The following ACSM4 variants were observed in gnomAD, a reference collection of about 807,000 sequenced individuals.
ACSM4 encodes the protein acyl-CoA synthetase medium chain family member 4, also known as acyl-coenzyme A synthetase ACSM4, mitochondrial.
A neutral mutation model predicts 73.0 loss-of-function variants in ACSM4; 66 were observed. The observed-to-expected ratio is 0.90, with a 90% confidence interval of 0.74 to 1.11. The LOEUF is 1.11. ACSM4 is among the 50% of genes least tolerant of loss of function. The probability of loss-of-function intolerance (pLI) is 0.00; values close to 1 mark genes in which losing one functional copy is unlikely to be tolerated. For synonymous variants in ACSM4, 222 were observed against 254.0 expected (o/e 0.87, Z 1.20); for missense variants, 645 against 714.4 (o/e 0.90, Z 1.11).
chr12:7,311,106 C>T (rs1946388075), intron 3 of ACSM4, among the ~76,000 whole-genome samples: 1 of 151,592 alleles, frequency 6.6e-6, no homozygotes, highest in Non-Finnish European at 1.5e-5. Flanking sequence ...GCAGAAGTTG[C>T]AGTGAGCCGA....
intron 2 of ACSM4, among the ~76,000 whole-genome samples, chr12:7,310,180 C>A (rs1946382277): frequency 6.6e-6 from 1 of 152,158 alleles, no homozygotes; most frequent in Non-Finnish European, 1.5e-5. Context: ...AATAATGATT[C>A]AAACGTGACA....
Position 7,324,126 on chromosome 12 carries a change from A to G in ACSM4, c.1309-147A>G, listed in dbSNP as rs142392046. On this transcript the variant is annotated intron_variant, in intron 9 of 12. Coordinates refer to ENST00000399422, the MANE Select transcript of ACSM4 (RefSeq NM_001080454.2). The stretch of plus-strand genomic sequence containing the variant: ...CCAGGAGGTCGAGGCTGCAGGCTCC[A>G]GTCTAGGCAACAGAGAGAGACTCTG... 552 of 941,510 alleles carry G rather than the reference A, an allele frequency of 5.9e-4. 2 individuals are homozygous for G. In the African/African-American group the frequency reaches 8.2e-3, roughly 14 times the overall value. The allele number at this position is 941,510 out of a possible 1,614,324, so 58.3% of individuals were successfully genotyped here.
At chr12:7,325,151 C>A (rs1330235513) in intron 11 of ACSM4, among the ~76,000 whole-genome samples, 1 of 152,200 alleles carries the variant, frequency 6.6e-6, no homozygotes. Flanking sequence ...ACATGCTGAT[C>A]GGTCAGACTT....
chr12:7,319,677 A>G (rs896803320), intron 5 of ACSM4, among the ~76,000 whole-genome samples: 4 of 152,102 alleles, frequency 2.6e-5, no homozygotes, highest in South Asian at 2.1e-4. Context: ...CCAGTTCCTA[A>G]TAGGCCACAA....
chr12:7,304,793 T>C (rs1340321105), intron 1 of ACSM4, among the ~76,000 whole-genome samples: 1 of 152,202 alleles, frequency 6.6e-6, no homozygotes, highest in Non-Finnish European at 1.5e-5. Flanking sequence ...TTTCCTTCTC[T>C]TTTCTCCAAG....
intron 5 of ACSM4, among the ~76,000 whole-genome samples, chr12:7,319,209 T>C (rs1486056351): frequency 6.6e-6 from 1 of 152,124 alleles, no homozygotes; most frequent in Non-Finnish European, 1.5e-5. Flanking sequence ...ATCCCTCACA[T>C]GCACAGTTCA....
intron 2 of ACSM4, among the ~76,000 whole-genome samples, chr12:7,308,996 G>C (rs1946375468): frequency 6.6e-6 from 1 of 152,206 alleles, no homozygotes; most frequent in African/African-American, 2.4e-5. Context: ...TTTTAAGTGA[G>C]ATACCAGGCA....
intron 1 of ACSM4, among the ~76,000 whole-genome samples, chr12:7,305,342 AAT>A (rs1245766222): frequency 6.6e-6 from 1 of 152,188 alleles, no homozygotes; most frequent in Non-Finnish European, 1.5e-5. Context: ...GTGCTGATTA[AAT>A]ATATATTCCT....
chr12:7,310,640 G>A lies in ACSM4; in HGVS notation c.514G>A (p.Ala172Thr). The change falls in exon 3 of 13, where the codon GCC (alanine) becomes ACC (threonine). Residue 172 changes from alanine (A) to threonine (T), a missense_variant. Physicochemically the swap from Ala to Thr is moderately conservative, Grantham distance 58 (BLOSUM62 0). Transcript: ENST00000399422. Reference sequence around the variant, plus strand: ...GTGCATTGTGGCCAGTGAGGAGGTGGCCCCAGCGGTGGAGTCCATTGTATT... The same window carrying A: ...GTGCATTGTGGCCAGTGAGGAGGTGACCCCAGCGGTGGAGTCCATTGTATT... ...AKCIVASEEV[A>T]PAVESIVLEC... 1 of 1,613,284 alleles carries A rather than the reference G, an allele frequency of 6.2e-7. No individual in the cohort carries two copies. The highest frequency in any genetic ancestry group is 8.5e-7 in the Non-Finnish European group (1 of 1,179,662).
At chr12:7,324,203 CACTT>C in intron 9 of ACSM4, 66 bp from the exon 10 acceptor site, 1 of 1,559,512 alleles carries the variant, frequency 6.4e-7, no homozygotes. Flanking sequence ...ATGTACTAGT[CACTT>C]AATGAGTGCC....
intron 3 of ACSM4, among the ~76,000 whole-genome samples, chr12:7,313,442 A>G (rs1946401985): frequency 6.6e-6 from 1 of 152,204 alleles, no homozygotes; most frequent in Non-Finnish European, 1.5e-5. Flanking sequence ...GGAAGACTAC[A>G]CACAGCAATA....
At chr12:7,323,968 A>G (rs1946484257) in intron 9 of ACSM4, among the ~76,000 whole-genome samples, 1 of 152,072 alleles carries the variant, frequency 6.6e-6, no homozygotes, top group Non-Finnish European at 1.5e-5. Context: ...CTTGAGCCCA[A>G]GAGTTCAAGA....
chr12:7,320,517 A>AAT (rs1946453117), intron 5 of ACSM4, among the ~76,000 whole-genome samples: 3 of 152,224 alleles, frequency 2.0e-5, no homozygotes, highest in South Asian at 2.1e-4. Flanking sequence ...CTGTAATATT[A>AAT]ATATATATAC....
intron 3 of ACSM4, among the ~76,000 whole-genome samples, 180 bp downstream of exon 3, chr12:7,310,926 G>A (rs980759206): frequency 2.1e-4 from 32 of 152,156 alleles, no homozygotes; most frequent in Non-Finnish European, 3.2e-4. Flanking sequence ...AGCACTTTGG[G>A]AGGCTGAGGT....
rs762301152 is a variant in ACSM4 at position 7,317,138 on chromosome 12, T to C, written c.622T>C (p.Phe208Leu). 6.2e-7 allele frequency: 1 copy of C among 1,608,508 alleles called. No individual in the cohort carries two copies. The highest frequency in any genetic ancestry group is 8.5e-7 in the Non-Finnish European group (1 of 1,177,890). ...GWLSFQELFQ[F>L]ASEEHSCVET... ...CATCTTGGGGTCCATATTTTGCAGA[T>C]TCGCCTCTGAAGAGCACAGCTGTGT... The change falls in exon 4 of 13, where the codon TTC becomes CTC. Residue 208 changes from phenylalanine (F) to leucine (L), a missense_variant and splice_region_variant. By Grantham distance (22) the Phe-to-Leu change is conservative. Transcript: ENST00000399422.
intron 6 of ACSM4, among the ~76,000 whole-genome samples, chr12:7,322,108 G>T (rs749579641): frequency 2.0e-5 from 3 of 152,108 alleles, no homozygotes; most frequent in Non-Finnish European, 4.4e-5. Flanking sequence ...TATATCATGT[G>T]GCTCATCAAA....
intron 3 of ACSM4, among the ~76,000 whole-genome samples, chr12:7,311,388 G>A (rs777254880): frequency 1.3e-5 from 2 of 151,744 alleles, no homozygotes; most frequent in East Asian, 1.9e-4. Flanking sequence ...CCCTACCTCC[G>A]CTCCTGTTAT....
At position 7,325,872 on chromosome 12, in the gene ACSM4, C is replaced by T. The variant is rs774014310; in HGVS notation, c.1537-1104C>T. ...CAGCATCGTTCCACATCTGTACCTC[C>T]CTCTCACACACCAGTGAGCCTCTGT... On this transcript the variant is annotated intron_variant, in intron 11 of 12. Coordinates refer to ENST00000399422, the MANE Select transcript of ACSM4 (RefSeq NM_001080454.2). Among the ~76,000 whole-genome samples, 21 of 152,276 alleles carry T rather than the reference C, an allele frequency of 1.4e-4. No homozygotes were observed. The South Asian group carries it at 4.1e-3, about 30-fold the overall frequency.
chr12:7,307,271 CAAAAGCTTGCCAAAAA>C (rs1273912923), intron 2 of ACSM4, among the ~76,000 whole-genome samples: 1 of 152,052 alleles, frequency 6.6e-6, no homozygotes, highest in African/African-American at 2.4e-5. Context: ...AACAAACAAA[CAAAAGCTTGCCAAAAA>C]TCACAATTAG....
Sources: gnomAD v4.1 joint callset for allele counts (sites outside exome capture counted in the v4.1 genomes callset) on GRCh38, gnomAD v4.1.1 for gene constraint, MANE v1.5 for transcripts, NCBI Gene and HGNC (gene_info 2026-07-23, HGNC 2026-07-21) for gene names.